The following TYW1B variants were observed in gnomAD, a reference collection of about 807,000 sequenced individuals.
The protein encoded by TYW1B is S-adenosyl-L-methionine-dependent tRNA 4-demethylwyosine synthase TYW1B.
In TYW1B, 73 loss-of-function variants were observed where a neutral mutation model predicts 86.9. The ratio of observed to expected loss-of-function variants is 0.84; its 90% CI spans 0.70 to 1.02. TYW1B has a LOEUF of 1.02. TYW1B is among the 50% of genes least tolerant of loss of function. The pLI is 0.00. For synonymous variants in TYW1B, 248 were observed against 292.8 expected, an observed-to-expected ratio of 0.85 and a Z score of 1.56; for missense variants, 637 against 827.4, an observed-to-expected ratio of 0.77 and a Z score of 2.82.
intron 7 of TYW1B, among the ~76,000 whole-genome samples, chr7:72,769,828 T>C (rs1261054715): frequency 3.3e-5 from 5 of 152,190 alleles, no homozygotes; most frequent in Non-Finnish European, 7.3e-5. Context: ...TCCCAGCACT[T>C]TGGGAGGCTG....
intron 10 of TYW1B, among the ~76,000 whole-genome samples, chr7:72,711,235 G>A (rs1411154645): frequency 2.0e-5 from 3 of 150,818 alleles, no homozygotes; most frequent in Non-Finnish European, 4.4e-5. Context: ...TATGCCTGCC[G>A]CGCAGAAAGA....
intron 10 of TYW1B, among the ~76,000 whole-genome samples, chr7:72,711,470 A>ATTT (rs1786660933): frequency 3.9e-4 from 18 of 45,606 alleles, no homozygotes; most frequent in Non-Finnish European, 4.3e-4. Context: ...CTCCTCTTTA[A>ATTT]TTCTTTTTTT....
At chr7:72,749,912 G>GTTTTTTTTTT (rs35656387) in intron 7 of TYW1B, among the ~76,000 whole-genome samples, 46 of 118,944 alleles carry the variant, frequency 3.9e-4, no homozygotes, top group Non-Finnish European at 5.4e-4. Flanking sequence ...GGTTTTTTTT[G>GTTTTTTTTTT]TTTTTTTTTT....
At chr7:72,670,091 A>G (rs1319949163) in intron 11 of TYW1B, among the ~76,000 whole-genome samples, 1 of 152,156 alleles carries the variant, frequency 6.6e-6, no homozygotes, top group Admixed American at 6.6e-5. Context: ...TGATTGTGCC[A>G]CTGCACTCCA....
chr7:72,757,371 A>G (rs1585960419), intron 7 of TYW1B, among the ~76,000 whole-genome samples: 1 of 16,926 alleles, frequency 5.9e-5, no homozygotes, highest in Non-Finnish European at 2.8e-4. Flanking sequence ...CCGTCTATGG[A>G]AAAAAAAAAA....
chr7:72,599,255 C>T (rs1427356226), intron 13 of TYW1B, among the ~76,000 whole-genome samples: 1 of 152,026 alleles, frequency 6.6e-6, no homozygotes, highest in African/African-American at 2.4e-5. Context: ...TAATGTAATC[C>T]ATCATATCAA....
intron 2 of TYW1B, among the ~76,000 whole-genome samples, chr7:72,816,838 C>T (rs1312382364): frequency 2.6e-5 from 4 of 152,182 alleles, no homozygotes; most frequent in African/African-American, 7.2e-5. Context: ...CGGCCAGAAA[C>T]GGCCTGGAAG....
At chr7:72,592,160 T>TAAAAAAAA (rs56146824) in intron 13 of TYW1B, among the ~76,000 whole-genome samples, 101 of 103,364 alleles carry the variant, frequency 9.8e-4, no homozygotes, top group African/African-American at 4.0e-3. Flanking sequence ...ACTAATGTGT[T>TAAAAAAAA]AAAAAAAAAA....
At chr7:72,695,938 C>T (rs1203860772) in intron 10 of TYW1B, among the ~76,000 whole-genome samples, 2 of 129,774 alleles carry the variant, frequency 1.5e-5, no homozygotes, top group Non-Finnish European at 3.1e-5. Flanking sequence ...CTAGACTATA[C>T]TTTTTCTTTT....
intron 9 of TYW1B, among the ~76,000 whole-genome samples, chr7:72,726,455 C>T (rs368461464): frequency 1.3e-5 from 2 of 151,584 alleles, no homozygotes; most frequent in Admixed American, 6.6e-5. Context: ...CTCTGCCTCC[C>T]GGGTTCAAGC....
intron 6 of TYW1B, among the ~76,000 whole-genome samples, chr7:72,783,302 G>A (rs1788078250): frequency 1.3e-5 from 2 of 148,424 alleles, no homozygotes; most frequent in Admixed American, 6.8e-5. Flanking sequence ...GGAGGCTGAG[G>A]CAGAAGAATC....
At position 72,735,162 on chromosome 7, in the gene TYW1B, T is replaced by C. The variant is rs117771735; in HGVS notation, c.1083-6231A>G. Among the ~76,000 whole-genome samples the C allele has an allele frequency of 2.3e-3, 352 of 152,314 alleles. 2 individuals are homozygous for C. The highest frequency in any genetic ancestry group is 3.5e-3 in the Non-Finnish European group (235 of 68,018). The stretch of plus-strand genomic sequence containing the variant: ...AGAGACAGCTGCATTCTCATGCTTA[T>C]TGCAGCACTATTCACAATCGCCAAG... On this transcript the variant is annotated intron_variant, in intron 8 of 13. Transcript: ENST00000620995.
intron 11 of TYW1B, among the ~76,000 whole-genome samples, chr7:72,687,373 G>A (rs1814032706): frequency 6.6e-6 from 1 of 152,170 alleles, no homozygotes; most frequent in South Asian, 2.1e-4. Context: ...GGCGGAGGGT[G>A]CAGTGAGCAA....
chr7:72,705,846 A>G (rs1219926923), intron 10 of TYW1B, among the ~76,000 whole-genome samples: 1 of 152,160 alleles, frequency 6.6e-6, no homozygotes, highest in East Asian at 1.9e-4. Context: ...GCCTTACAAC[A>G]CGATGCCATA....
intron 11 of TYW1B, among the ~76,000 whole-genome samples, chr7:72,675,765 CAT>C (rs528795926): frequency 8.2e-4 from 125 of 151,954 alleles, no homozygotes; most frequent in African/African-American, 2.8e-3. Context: ...ATTTTCTTCT[CAT>C]GTGAAAAAAA....
intron 7 of TYW1B, among the ~76,000 whole-genome samples, chr7:72,776,384 G>C (rs1301270427): frequency 6.6e-6 from 1 of 151,716 alleles, no homozygotes; most frequent in Non-Finnish European, 1.5e-5. Flanking sequence ...AGGAGTTCAA[G>C]ACCAGCATGG....
intron 11 of TYW1B, among the ~76,000 whole-genome samples, chr7:72,639,860 C>A: frequency 8.2e-6 from 1 of 121,474 alleles, no homozygotes. Context: ...AGTGAGACTC[C>A]ATCTCAAAAA....
At chr7:72,712,233 A>G (rs1786681867) in intron 10 of TYW1B, among the ~76,000 whole-genome samples, 1 of 151,878 alleles carries the variant, frequency 6.6e-6, no homozygotes, top group Admixed American at 6.6e-5. Context: ...AGCAATCAAC[A>G]TGGCTGGAAC....
intron 6 of TYW1B, among the ~76,000 whole-genome samples, chr7:72,779,032 T>C (rs1214069228): frequency 1.3e-5 from 2 of 151,922 alleles, no homozygotes; most frequent in Non-Finnish European, 2.9e-5. Flanking sequence ...ACACACGAGA[T>C]CTGTGTTACA....
Sources: allele counts gnomAD v4.1 joint callset (sites outside exome capture counted in the v4.1 genomes callset), GRCh38; gene constraint gnomAD v4.1.1; transcripts MANE v1.5; gene names NCBI Gene and HGNC (gene_info 2026-07-23, HGNC 2026-07-21).